Variants in KATNBL1 observed in about 807,000 individuals in gnomAD.
The protein encoded by KATNBL1 is KATNB1-like protein 1.
Under a neutral mutation model 44.7 loss-of-function variants are expected in KATNBL1, and 28 were observed. That is an observed-to-expected ratio of 0.63 (90% CI 0.46 to 0.86). The LOEUF is 0.86. Among genes scored for constraint, KATNBL1 ranks in the 40% least tolerant of loss-of-function variants. The pLI is 0.00. For missense variants in KATNBL1, 272 were observed against 350.7 expected (o/e 0.78, Z 1.79); for synonymous variants, 78 against 114.9 (o/e 0.68, Z 2.06).
chr15:34,174,711 G>A (rs1889271680), intron 1 of KATNBL1, among the ~76,000 whole-genome samples: 1 of 151,960 alleles, frequency 6.6e-6, no homozygotes, highest in Non-Finnish European at 1.5e-5. Flanking sequence ...GTTGGAGTGA[G>A]TGGTGCGATC....
rs531464895 is a variant in KATNBL1 at position 34,202,680 on chromosome 15, T to C, written c.-15+7271A>G. Among the ~76,000 whole-genome samples, 5 of 152,280 alleles carry C rather than the reference T, an allele frequency of 3.3e-5. No individual in the cohort carries two copies. In the East Asian group the frequency reaches 9.7e-4, roughly 29 times the overall value. On this transcript the variant is annotated intron_variant, in intron 1 of 9. Coordinates refer to ENST00000256544, the MANE Select transcript of KATNBL1 (RefSeq NM_024713.3). ...GACTTAACTATAACAAAAATTAACA[T>C]ATTAACTTTCATTTAAGAATAAAAT...
chr15:34,198,605 A>G (rs191975675), intron 1 of KATNBL1, among the ~76,000 whole-genome samples: 5 of 152,364 alleles, frequency 3.3e-5, no homozygotes, highest in South Asian at 2.1e-4. Context: ...AACTAATACA[A>G]AAGTGTTCCA....
chr15:34,161,474 A>G (rs1888804641), intron 2 of KATNBL1, among the ~76,000 whole-genome samples: 1 of 152,230 alleles, frequency 6.6e-6, no homozygotes, highest in Non-Finnish European at 1.5e-5. Context: ...TGCCGCAAAG[A>G]AGAATCAGCA....
intron 1 of KATNBL1, among the ~76,000 whole-genome samples, chr15:34,184,621 GGA>G (rs1482444075): frequency 9.1e-6 from 1 of 110,442 alleles, no homozygotes; most frequent in Non-Finnish European, 1.7e-5. Flanking sequence ...CACCCAGGCT[GGA>G]GAGTGCAGTG....
intron 1 of KATNBL1, among the ~76,000 whole-genome samples, chr15:34,172,259 T>TC (rs1414824074): frequency 2.3e-5 from 3 of 132,342 alleles, no homozygotes; most frequent in African/African-American, 8.2e-5. Context: ...ACATATTCTT[T>TC]TTTTTTTTTT....
At chr15:34,154,713 T>C in intron 2 of KATNBL1, 29 bp from the exon 3 acceptor site, 1 of 1,442,144 alleles carries the variant, frequency 6.9e-7, no homozygotes, top group East Asian at 2.3e-5. Flanking sequence ...TAGTTGATGT[T>C]AGAAACAAAT....
chr15:34,145,078 G>C (rs746306869), intron 9 of KATNBL1: 1 of 1,026,038 alleles, frequency 9.7e-7, no homozygotes, highest in African/African-American at 1.7e-5. Flanking sequence ...TGAGTTCCTC[G>C]TCTTGTTTTC....
intron 2 of KATNBL1, among the ~76,000 whole-genome samples, chr15:34,159,626 T>C (rs991387861): frequency 3.9e-5 from 6 of 152,242 alleles, no homozygotes; most frequent in African/African-American, 1.4e-4. Flanking sequence ...ATTGGAGGAA[T>C]CTGTAACCTT....
At chr15:34,153,319 T>G (rs902904620) in intron 3 of KATNBL1, among the ~76,000 whole-genome samples, 1 of 152,226 alleles carries the variant, frequency 6.6e-6, no homozygotes, top group Admixed American at 6.5e-5. Flanking sequence ...ATAACCAGAA[T>G]GCTTTTAAAA....
chr15:34,196,674 G>C (rs966539295), intron 1 of KATNBL1, among the ~76,000 whole-genome samples: 7 of 152,170 alleles, frequency 4.6e-5, no homozygotes, highest in African/African-American at 1.7e-4. Flanking sequence ...GCTGCAGTGA[G>C]CTGAGATTGC....
chr15:34,171,539 G>T (rs920805193), intron 1 of KATNBL1, among the ~76,000 whole-genome samples: 8 of 152,176 alleles, frequency 5.3e-5, no homozygotes, highest in African/African-American at 1.9e-4. Flanking sequence ...GATTCCTCAA[G>T]GATCTAGAAC....
chr15:34,163,625 C>T lies in KATNBL1; in HGVS notation c.52G>A (p.Glu18Lys). The change falls in exon 2 of 10, where the codon GAG (glutamate) becomes AAG (lysine). Residue 18 changes from glutamate to lysine, a missense_variant. Glu to Lys is a moderately conservative substitution (Grantham distance 56). Transcript: ENST00000256544. Reference sequence around the variant, plus strand: ...CTAGGAAGATCAATGAAATGATCCTCAATCTTATTACAAAAGTTCCGTTTT... The same window carrying T: ...CTAGGAAGATCAATGAAATGATCCTTAATCTTATTACAAAAGTTCCGTTTT... ...VKKRNFCNKI[E>K]DHFIDLPRKK... The T allele has an allele frequency of 6.2e-7, 1 of 1,600,452 alleles. No homozygotes were observed. Among genetic ancestry groups the T allele is most frequent in the African/African-American group, 1.3e-5 (1 of 74,166 alleles).
intron 1 of KATNBL1, among the ~76,000 whole-genome samples, chr15:34,164,198 C>T (rs959468353): frequency 6.6e-6 from 1 of 152,168 alleles, no homozygotes; most frequent in Non-Finnish European, 1.5e-5. Context: ...CCAGCCTGTC[C>T]TCATTCTTTA....
intron 1 of KATNBL1, among the ~76,000 whole-genome samples, chr15:34,170,746 AC>A (rs1419203473): frequency 1.3e-5 from 2 of 152,144 alleles, no homozygotes; most frequent in Non-Finnish European, 2.9e-5. Flanking sequence ...AGATATATAG[AC>A]CAATGGAACA....
chr15:34,168,948 C>G (rs532965569), intron 1 of KATNBL1, among the ~76,000 whole-genome samples: 2 of 151,928 alleles, frequency 1.3e-5, no homozygotes, highest in Non-Finnish European at 2.9e-5. Context: ...AGTGTGTAGC[C>G]GGAAATTTAT....
chr15:34,166,862 TAGA>T (rs1371328593), intron 1 of KATNBL1, among the ~76,000 whole-genome samples: 1 of 152,114 alleles, frequency 6.6e-6, no homozygotes, highest in Non-Finnish European at 1.5e-5. Context: ...GCCTGTCTAT[TAGA>T]AGGAAAACTA....
At chr15:34,163,105 G>A (rs1020664239) in intron 2 of KATNBL1, among the ~76,000 whole-genome samples, 7 of 148,320 alleles carry the variant, frequency 4.7e-5, no homozygotes, top group Non-Finnish European at 8.9e-5. Context: ...ATGCAATGGC[G>A]CGATCTCAGC....
chr15:34,201,895 C>A (rs955280093), intron 1 of KATNBL1, among the ~76,000 whole-genome samples: 1 of 152,086 alleles, frequency 6.6e-6, no homozygotes, highest in Non-Finnish European at 1.5e-5. Context: ...TCACTATTCC[C>A]CCAATAATAC....
chr15:34,204,246 C>T (rs985381934), intron 1 of KATNBL1, among the ~76,000 whole-genome samples: 1 of 152,148 alleles, frequency 6.6e-6, no homozygotes, highest in Non-Finnish European at 1.5e-5. Flanking sequence ...CTGTTTGTTA[C>T]TACAAAATCA....
Sources: allele counts gnomAD v4.1 joint callset (sites outside exome capture counted in the v4.1 genomes callset), GRCh38; gene constraint gnomAD v4.1.1; transcripts MANE v1.5; gene names NCBI Gene and HGNC (gene_info 2026-07-23, HGNC 2026-07-21).